DOCK4: variants seen among roughly 807,000 people sequenced by gnomAD.
DOCK4 encodes the protein dedicator of cytokinesis protein 4.
Under a neutral mutation model 268.1 loss-of-function variants are expected in DOCK4, and 97 were observed. That is an observed-to-expected ratio of 0.36 (90% CI 0.31 to 0.43). The LOEUF is 0.43. Ranked by LOEUF, DOCK4 falls within the 20% of genes least tolerant of loss-of-function variation. The pLI, the probability that DOCK4 is intolerant of heterozygous loss-of-function variation, is 1.00. For missense variants in DOCK4, 2,145 were observed against 2,455.7 expected (o/e 0.87, Z 2.67); for synonymous variants, 954 against 887.2 (o/e 1.08, Z -1.34).
chr7:112,196,865 C>A (rs1820496348), intron 1 of DOCK4, among the ~76,000 whole-genome samples: 1 of 152,072 alleles, frequency 6.6e-6, no homozygotes, highest in Non-Finnish European at 1.5e-5. Flanking sequence ...GAAATGATTA[C>A]CACAATCAAA....
chr7:112,119,994 CCCA>C lies in DOCK4; in HGVS notation c.37+86105_37+86107del, dbSNP rs367963120. On this transcript the variant is annotated intron_variant, in intron 1 of 52. Transcript: ENST00000428084. ...TCCCAAGTAGCTGGGACTACAGGTG[CCCA>C]CCACCACAACAGGCTAATCTTTTGT... Among the ~76,000 whole-genome samples, 98 of 152,068 alleles carry C rather than the reference CCCA, an allele frequency of 6.4e-4. 3 individuals are homozygous for C. The East Asian group carries it at 0.012, about 18-fold the overall frequency.
chr7:111,958,497 A>G (rs1796611744), intron 8 of DOCK4, among the ~76,000 whole-genome samples: 1 of 152,206 alleles, frequency 6.6e-6, no homozygotes, highest in Non-Finnish European at 1.5e-5. Context: ...AATCCTAGTG[A>G]AAAGAACATC....
In DOCK4 at chr7:111,726,654, G is replaced by A. The variant is rs918917500; in HGVS notation, c.*1620C>T. 1 of 152,518 alleles carries A rather than the reference G, an allele frequency of 6.6e-6. No homozygotes were observed. Among genetic ancestry groups the A allele is most frequent in the African/African-American group, 2.4e-5 (1 of 41,418 alleles). 9.4% of individuals were successfully genotyped at this position (152,518 alleles called of 1,614,324 possible). ...TTTTTCCGACATTCAAAATTGTAAA[G>A]TCAATATGGCAGAATTGTTAAAAGC... On this transcript the variant is annotated 3_prime_UTR_variant, in exon 53 of 53. Transcript: ENST00000428084.
chr7:111,821,915 G>C (rs1802009846), intron 27 of DOCK4: 1 of 152,792 alleles, frequency 6.5e-6, no homozygotes, highest in South Asian at 2.1e-4. Flanking sequence ...CTATGGTATG[G>C]TCATTCAATG....
chr7:112,044,632 C>T (rs1385776397), intron 1 of DOCK4, among the ~76,000 whole-genome samples: 1 of 152,166 alleles, frequency 6.6e-6, no homozygotes, highest in Non-Finnish European at 1.5e-5. Flanking sequence ...CCTTCCTCTA[C>T]CTACCTTTGG....
chr7:112,166,846 T>G (rs1223631318), intron 1 of DOCK4, among the ~76,000 whole-genome samples: 2 of 152,198 alleles, frequency 1.3e-5, no homozygotes, highest in East Asian at 3.9e-4. Flanking sequence ...CTTTTTTTTT[T>G]TAAGAGACAG....
intron 1 of DOCK4, among the ~76,000 whole-genome samples, chr7:112,103,063 A>T (rs1810833248): frequency 6.6e-6 from 1 of 152,220 alleles, no homozygotes; most frequent in Non-Finnish European, 1.5e-5. Context: ...TGACTTGTCC[A>T]CATGTCTGAC....
At chr7:111,818,537 C>T (rs1801737747) in intron 27 of DOCK4, among the ~76,000 whole-genome samples, 1 of 152,196 alleles carries the variant, frequency 6.6e-6, no homozygotes, top group African/African-American at 2.4e-5. Context: ...TCTTATCATC[C>T]TTATTTCCAA....
rs1403267697 is a variant in DOCK4 at position 111,820,882 on chromosome 7, C to G, written c.2930+1480G>C. On this transcript the variant is annotated intron_variant, in intron 27 of 52. Transcript: ENST00000428084. ...TACCTCACAGCCCTTCCTAGGTACC[C>G]AGAATGTTTGCTCTTTGGTTATAAG... is the stretch of plus-strand genomic sequence containing the variant. The G allele has an allele frequency of 3.3e-5, 5 of 152,116 alleles. 1 individual carries two copies. Among genetic ancestry groups the G allele is most frequent in the African/African-American group, 1.2e-4 (5 of 41,434 alleles). The allele number at this position is 152,116 out of a possible 1,614,324, so 9.4% of individuals were successfully genotyped here. A position where few individuals can be genotyped will look rare whatever the true frequency, so the allele number is the denominator to read the frequency against.
At chr7:111,797,763 A>G (rs1800001105) in intron 30 of DOCK4, among the ~76,000 whole-genome samples, 1 of 152,180 alleles carries the variant, frequency 6.6e-6, no homozygotes, top group African/African-American at 2.4e-5. Context: ...TCTATAATAG[A>G]CCAAAAGACA....
intron 2 of DOCK4, among the ~76,000 whole-genome samples, 175 bp from the exon 3 acceptor site, chr7:112,000,709 G>C (rs1469476831): frequency 6.6e-6 from 1 of 152,048 alleles, no homozygotes; most frequent in East Asian, 1.9e-4. Flanking sequence ...CCAAACATAA[G>C]AATTCTATTA....
Position 111,726,567 on chromosome 7 carries a change from C to A in DOCK4, c.*1707G>T, listed in dbSNP as rs116893419. 0.013 allele frequency: 1,964 copies of A among 152,672 alleles called. 21 individuals carry two copies. The highest frequency in any genetic ancestry group is 0.023 in the African/African-American group (954 of 41,572). The allele number at this position is 152,672 out of a possible 1,614,324, so 9.5% of individuals were successfully genotyped here. ...ACTTGCAAGATACAAAGCTAAAATG[C>A]ATATGTTCCTTTTCTCAATTATGAA... On this transcript the variant is annotated 3_prime_UTR_variant, in exon 53 of 53. Coordinates refer to ENST00000428084, the MANE Select transcript of DOCK4 (RefSeq NM_001363540.2).
rs755452247 is a variant in DOCK4, at chr7:111,741,130, C to T, written c.5004G>A (p.Gly1668=). The T allele has an allele frequency of 6.2e-7, 1 of 1,613,840 alleles. No individual in the cohort carries two copies. Among genetic ancestry groups the T allele is most frequent in the Non-Finnish European group, 8.5e-7 (1 of 1,179,864 alleles). Residue 1668 remains glycine (G), a synonymous_variant, in exon 47 of 53, where the codon GGG becomes GGA. Transcript: ENST00000428084. The stretch of plus-strand genomic sequence containing the variant: ...AGACTTCATCAGAGCTTTCTGATTG[C>T]CCTGTAATATTGCTTACTTCAGCAG... ...QASAEVSNIT[G]QSESSDEVFN... is the part of the protein sequence containing the mutation.
chr7:111,791,993 G>A (rs1799583453), intron 30 of DOCK4, among the ~76,000 whole-genome samples: 1 of 152,234 alleles, frequency 6.6e-6, no homozygotes, highest in Non-Finnish European at 1.5e-5. Context: ...ACCCACAATG[G>A]TGTTTTACCA....
chr7:112,206,272 AG>A lies in DOCK4; in HGVS notation c.-135del. ...TTCGCGCGGGCTGCGGGCGCTGGGC[AG>A]GATCTGCGCTGGAGGCTCCCGAGCC... On this transcript the variant is annotated 5_prime_UTR_variant, in exon 1 of 53. Coordinates refer to ENST00000428084, the MANE Select transcript of DOCK4 (RefSeq NM_001363540.2). 2 of 996,214 alleles carry A rather than the reference AG, an allele frequency of 2.0e-6. No individual in the cohort carries two copies. Among genetic ancestry groups the A allele is most frequent in the Non-Finnish European group, 3.0e-6 (2 of 666,106 alleles). The allele number at this position is 996,214 out of a possible 1,614,324, so 61.7% of individuals were successfully genotyped here. A position where few individuals can be genotyped will look rare whatever the true frequency, so the allele number is the denominator to read the frequency against.
Position 111,808,854 on chromosome 7 carries a change from C to T in DOCK4, c.3133G>A (p.Gly1045Ser), listed in dbSNP as rs1800864602. The T allele has an allele frequency of 6.2e-7, 1 of 1,613,154 alleles. No homozygotes were observed. The highest frequency in any genetic ancestry group is 8.5e-7 in the Non-Finnish European group (1 of 1,179,588). The change falls in exon 30 of 53, where the codon GGT becomes AGT. Residue 1045 changes from glycine to serine, a missense_variant. Transcript: ENST00000428084. ...EKYGDMRVTMGCEIFSMWQNL... is the reference protein window; with the variant it reads ...EKYGDMRVTMSCEIFSMWQNL... ...TGCCACATGCTGAAAATTTCACAAC[C>T]CATTGTTACCCGCATGTCACCATAC...
chr7:112,168,296 T>A (rs1489767661), intron 1 of DOCK4, among the ~76,000 whole-genome samples: 2 of 152,232 alleles, frequency 1.3e-5, no homozygotes, highest in East Asian at 3.8e-4. Flanking sequence ...GGCTCTTAGA[T>A]CCATCATACC....
chr7:112,061,784 C>CAT (rs3220718), intron 1 of DOCK4, among the ~76,000 whole-genome samples: 1 of 147,606 alleles, frequency 6.8e-6, no homozygotes, highest in East Asian at 2.1e-4. Context: ...CACACACACA[C>CAT]GATGTACATG....
At chr7:112,093,159 A>T (rs1045711561) in intron 1 of DOCK4, among the ~76,000 whole-genome samples, 2 of 152,138 alleles carry the variant, frequency 1.3e-5, no homozygotes, top group South Asian at 2.1e-4. Context: ...GTTGCTTGGA[A>T]GAATACAAGT....
Sources: allele counts gnomAD v4.1 joint callset (sites outside exome capture counted in the v4.1 genomes callset), GRCh38; gene constraint gnomAD v4.1.1; transcripts MANE v1.5; gene names NCBI Gene and HGNC (gene_info 2026-07-23, HGNC 2026-07-21).